CSMD1: variants seen among roughly 807,000 people sequenced by gnomAD.
The protein encoded by CSMD1 is CUB and sushi domain-containing protein 1.
A neutral mutation model predicts 417.5 loss-of-function variants in CSMD1; 213 were observed. That is an observed-to-expected ratio of 0.51 (90% CI 0.46 to 0.57). The LOEUF is 0.57. Among genes scored for constraint, CSMD1 ranks in the 20% least tolerant of loss-of-function variants. The pLI is 0.00. For synonymous variants in CSMD1, 2,862 were observed against 1,736.8 expected, an observed-to-expected ratio of 1.65 and a Z score of -16.11; for missense variants, 6,923 against 4,529.7, an observed-to-expected ratio of 1.53 and a Z score of -15.17.
intron 7 of CSMD1, among the ~76,000 whole-genome samples, chr8:3,678,690 C>T (rs1008051801): frequency 6.6e-6 from 1 of 152,056 alleles, no homozygotes; most frequent in African/African-American, 2.4e-5. Flanking sequence ...CAGAGGACGC[C>T]ACAAAGATAC....
At chr8:4,808,294 A>T (rs971872356) in intron 1 of CSMD1, among the ~76,000 whole-genome samples, 12 of 152,232 alleles carry the variant, frequency 7.9e-5, no homozygotes, top group African/African-American at 2.9e-4. Flanking sequence ...GGTGCTAATT[A>T]TTTGCTTTAA....
At chr8:3,520,354 CTAA>C (rs1554452359) in intron 10 of CSMD1, among the ~76,000 whole-genome samples, 2 of 151,978 alleles carry the variant, frequency 1.3e-5, no homozygotes, top group Non-Finnish European at 2.9e-5. Context: ...AATATTTTGA[CTAA>C]TAATTATGAT....
At chr8:4,018,069 G>A (rs1247894780) in intron 4 of CSMD1, among the ~76,000 whole-genome samples, 3 of 149,666 alleles carry the variant, frequency 2.0e-5, no homozygotes, top group Non-Finnish European at 3.0e-5. Flanking sequence ...ATGTATGCTT[G>A]CAAAAATAAG....
In CSMD1 at chr8:4,452,479, C is replaced by A. The variant is rs555550869; in HGVS notation, c.303-32414G>T. On this transcript the variant is annotated intron_variant, in intron 2 of 69. Transcript: ENST00000635120. The stretch of plus-strand genomic sequence containing the variant: ...CAGGCATTACCCACTCATATTTGAG[C>A]AAACCATGACCTGCTAACTACAGCT... 3.9e-5 allele frequency among the ~76,000 whole-genome samples: 6 copies of A among 152,308 alleles called. No individual in the cohort carries two copies. The South Asian group carries it at 1.0e-3, about 26-fold the overall frequency.
rs560629693 is a variant in CSMD1 at position 4,129,768 on chromosome 8, C to G, written c.416-97669G>C. On this transcript the variant is annotated intron_variant, in intron 3 of 69. Transcript: ENST00000635120. Reference sequence around the variant, plus strand: ...TGGAAATAACCATCCTGGAAAATTTCTTCAACAATTTAATTTTCTCCATTT... The same window carrying G: ...TGGAAATAACCATCCTGGAAAATTTGTTCAACAATTTAATTTTCTCCATTT... Among the ~76,000 whole-genome samples, 8 of 151,560 alleles carry G rather than the reference C, an allele frequency of 5.3e-5. No individual in the cohort carries two copies. In the East Asian group the frequency reaches 1.5e-3, roughly 29 times the overall value.
intron 3 of CSMD1, among the ~76,000 whole-genome samples, chr8:4,276,678 C>A (rs547729497): frequency 6.6e-6 from 1 of 152,232 alleles, no homozygotes; most frequent in Admixed American, 6.5e-5. Flanking sequence ...GTCATTGATT[C>A]AGGAAACGAA....
intron 3 of CSMD1, among the ~76,000 whole-genome samples, chr8:4,091,171 G>C (rs540874917): frequency 6.6e-6 from 1 of 151,956 alleles, no homozygotes; most frequent in African/African-American, 2.4e-5. Context: ...CACATGGCTC[G>C]GCCTCCCAAA....
intron 7 of CSMD1, among the ~76,000 whole-genome samples, chr8:3,667,634 G>C (rs532118226): frequency 6.6e-6 from 1 of 152,258 alleles, no homozygotes; most frequent in South Asian, 2.1e-4. Context: ...CCTTATTTGG[G>C]TTGCTCTGGA....
intron 3 of CSMD1, among the ~76,000 whole-genome samples, chr8:4,312,861 T>A (rs80079587): frequency 0.058 from 8,831 of 151,838 alleles, 587 homozygotes; most frequent in East Asian, 0.2. Context: ...TGAAACCCCA[T>A]CTCAAAAACA....
At chr8:3,760,842 G>C (rs762003820) in intron 5 of CSMD1, among the ~76,000 whole-genome samples, 8 of 152,274 alleles carry the variant, frequency 5.3e-5, no homozygotes, top group Middle Eastern at 3.4e-3. Context: ...CTGCTATTGG[G>C]AGAGGCTTTA....
chr8:3,337,070 C>G (rs1459709590), intron 23 of CSMD1, among the ~76,000 whole-genome samples: 2 of 152,100 alleles, frequency 1.3e-5, no homozygotes, highest in African/African-American at 4.8e-5. Flanking sequence ...CCAGGCCTTG[C>G]TGTCCCCCTG....
At chr8:4,759,522 C>A (rs1281982668) in intron 1 of CSMD1, among the ~76,000 whole-genome samples, 1 of 152,130 alleles carries the variant, frequency 6.6e-6, no homozygotes, top group East Asian at 1.9e-4. Flanking sequence ...GGTATTAAGC[C>A]CAGCATGCAC....
intron 12 of CSMD1, among the ~76,000 whole-genome samples, chr8:3,435,985 C>A (rs111823631): frequency 1.3e-5 from 2 of 152,168 alleles, no homozygotes; most frequent in African/African-American, 4.8e-5. Flanking sequence ...TTTGTATTTG[C>A]AAATGCTCTC....
intron 5 of CSMD1, among the ~76,000 whole-genome samples, chr8:3,790,235 G>A (rs962229460): frequency 2.6e-5 from 4 of 152,140 alleles, no homozygotes; most frequent in Admixed American, 1.3e-4. Context: ...TCCTTTATCA[G>A]GGAAGAGTGC....
intron 5 of CSMD1, among the ~76,000 whole-genome samples, chr8:3,946,868 T>C (rs1370062050): frequency 6.6e-6 from 1 of 152,184 alleles, no homozygotes; most frequent in Admixed American, 6.5e-5. Context: ...AATTGCTCAT[T>C]GCTTGTATCG....
At chr8:4,785,286 G>A (rs1403422600) in intron 1 of CSMD1, among the ~76,000 whole-genome samples, 1 of 152,078 alleles carries the variant, frequency 6.6e-6, no homozygotes. Flanking sequence ...TTCATAATGG[G>A]GCACATTGGG....
At chr8:3,171,768 T>C (rs1464690896) in intron 37 of CSMD1, among the ~76,000 whole-genome samples, 1 of 152,242 alleles carries the variant, frequency 6.6e-6, no homozygotes, top group African/African-American at 2.4e-5. Flanking sequence ...AATATACTTC[T>C]ATATCTAGCT....
intron 1 of CSMD1, among the ~76,000 whole-genome samples, chr8:4,947,825 A>G (rs12548620): frequency 0.94 from 142,323 of 152,162 alleles, 67,069 homozygotes; most frequent in Non-Finnish European, 0.99. Flanking sequence ...GTTTTTGCAT[A>G]TAGCTGTGTT....
intron 4 of CSMD1, among the ~76,000 whole-genome samples, chr8:4,006,450 C>T (rs533562741): frequency 7.0e-4 from 107 of 152,084 alleles, no homozygotes; most frequent in African/African-American, 2.4e-3. Flanking sequence ...AGGCTGAGGC[C>T]GAAGAATCGC....
Sources: allele counts gnomAD v4.1 joint callset (sites outside exome capture counted in the v4.1 genomes callset), GRCh38; gene constraint gnomAD v4.1.1; transcripts MANE v1.5; gene names NCBI Gene and HGNC (gene_info 2026-07-23, HGNC 2026-07-21).